Variants in DNAJC5B observed in about 807,000 individuals in gnomAD.
DNAJC5B encodes DnaJ heat shock protein family (Hsp40) member C5 beta.
In DNAJC5B, 23 loss-of-function variants were observed where a neutral mutation model predicts 24.7. The ratio of observed to expected loss-of-function variants is 0.93; its 90% CI spans 0.67 to 1.32. DNAJC5B has a LOEUF of 1.32. Among genes scored for constraint, DNAJC5B ranks in the 40% most tolerant of loss-of-function variants. The pLI, the probability that DNAJC5B is intolerant of heterozygous loss-of-function variation, is 0.00. For missense variants in DNAJC5B, 238 were observed against 240.8 expected (o/e 0.99, Z 0.08); for synonymous variants, 101 against 90.1 (o/e 1.12, Z -0.68).
intron 1 of DNAJC5B, among the ~76,000 whole-genome samples, chr8:66,030,191 A>G (rs1427138705): frequency 6.6e-6 from 1 of 152,056 alleles, no homozygotes; most frequent in Non-Finnish European, 1.5e-5. Flanking sequence ...TATTTGATAG[A>G]CTTCGTAGTC....
chr8:66,067,567 T>C (rs1462559281), intron 3 of DNAJC5B, among the ~76,000 whole-genome samples: 1 of 152,172 alleles, frequency 6.6e-6, no homozygotes, highest in Non-Finnish European at 1.5e-5. Context: ...GAAGTGATGC[T>C]GTGCCTAAAT....
At chr8:66,020,010 G>A (rs1200908456), upstream of DNAJC5B, among the ~76,000 whole-genome samples, 2 of 152,182 alleles carry the variant, frequency 1.3e-5, no homozygotes, top group Non-Finnish European at 2.9e-5. Flanking sequence ...TATGACCTAC[G>A]GGAATACTTT....
chr8:66,097,180 A>G (rs377693096), intron 5 of DNAJC5B, among the ~76,000 whole-genome samples: 3 of 151,698 alleles, frequency 2.0e-5, no homozygotes, highest in East Asian at 3.9e-4. Context: ...TATCACTTTA[A>G]GTTGACATGT....
chr8:66,088,178 A>G (rs1344143587), intron 5 of DNAJC5B, among the ~76,000 whole-genome samples: 1 of 152,184 alleles, frequency 6.6e-6, no homozygotes, highest in Non-Finnish European at 1.5e-5. Flanking sequence ...TACCACGTGG[A>G]AGCCACCAAG....
chr8:66,093,057 A>G (rs902283554), intron 5 of DNAJC5B, among the ~76,000 whole-genome samples: 7 of 152,136 alleles, frequency 4.6e-5, no homozygotes, highest in African/African-American at 1.7e-4. Context: ...TCTGAGATTC[A>G]TTCACATTGT....
chr8:66,032,917 T>C (rs1481557843), intron 1 of DNAJC5B, among the ~76,000 whole-genome samples: 3 of 152,222 alleles, frequency 2.0e-5, no homozygotes, highest in African/African-American at 7.2e-5. Flanking sequence ...TGCAGCACTC[T>C]CTGTTTGCTC....
intron 3 of DNAJC5B, among the ~76,000 whole-genome samples, chr8:66,062,148 A>G (rs1807097565): frequency 6.6e-6 from 1 of 152,274 alleles, no homozygotes; most frequent in Admixed American, 6.5e-5. Flanking sequence ...GCACCATGCT[A>G]GTATTTGCTG....
chr8:66,059,976 C>A (rs868133944), intron 3 of DNAJC5B, among the ~76,000 whole-genome samples: 1 of 152,160 alleles, frequency 6.6e-6, no homozygotes, highest in Admixed American at 6.5e-5. Context: ...CCTTGAGAGC[C>A]GAGGGAACAC....
intron 5 of DNAJC5B, among the ~76,000 whole-genome samples, chr8:66,095,475 AC>A (rs1463166186): frequency 2.6e-5 from 4 of 151,224 alleles, no homozygotes; most frequent in African/African-American, 9.7e-5. Context: ...CAAATAAACA[AC>A]TTTTGGTTTT....
intron 5 of DNAJC5B, among the ~76,000 whole-genome samples, chr8:66,095,671 A>ACACACT (rs1807936558): frequency 6.7e-6 from 1 of 150,198 alleles, no homozygotes; most frequent in East Asian, 2.0e-4. Context: ...ACACACACAC[A>ACACACT]CACACACACA....
intron 3 of DNAJC5B, among the ~76,000 whole-genome samples, chr8:66,053,439 T>A (rs946124569): frequency 6.6e-6 from 1 of 152,066 alleles, no homozygotes; most frequent in Non-Finnish European, 1.5e-5. Flanking sequence ...CAAAAAAAAA[T>A]GTTGAGTACA....
intron 1 of DNAJC5B, among the ~76,000 whole-genome samples, chr8:66,029,106 C>T (rs1031247793): frequency 5.3e-5 from 8 of 152,228 alleles, no homozygotes; most frequent in African/African-American, 1.9e-4. Context: ...ATCCGGCCTC[C>T]TCCAGGATTC....
At chr8:66,017,009 T>G (rs1385670469), upstream of DNAJC5B, among the ~76,000 whole-genome samples, 1 of 152,116 alleles carries the variant, frequency 6.6e-6, no homozygotes, top group African/African-American at 2.4e-5. Flanking sequence ...TTTTTTAGTT[T>G]CTAAAATGTG....
rs1012491477 is a variant in DNAJC5B, at chr8:66,021,706, G to A, written c.-142+1G>A. 4 of 152,250 alleles carry A rather than the reference G, an allele frequency of 2.6e-5. No homozygotes were observed. Among genetic ancestry groups the A allele is most frequent in the African/African-American group, 9.7e-5 (4 of 41,450 alleles). The allele number at this position is 152,250 out of a possible 1,614,324, so 9.4% of individuals were successfully genotyped here. A position where few individuals can be genotyped will look rare whatever the true frequency, so the allele number is the denominator to read the frequency against. ...GATGAAAAAGAGGAGAGATCTCAAG[G>A]TGAGTGTGTCTCCAAGCTTAAGAAG... On this transcript the variant is annotated splice_donor_variant, in intron 1 of 5. Coordinates refer to ENST00000276570, the MANE Select transcript of DNAJC5B (RefSeq NM_033105.6). LOFTEE classifies it low-confidence loss of function (5UTR_SPLICE).
chr8:66,030,586 C>T lies in DNAJC5B; in HGVS notation c.-142+8881C>T, dbSNP rs1317595610. Among the ~76,000 whole-genome samples, 5 of 152,088 alleles carry T rather than the reference C, an allele frequency of 3.3e-5. No individual in the cohort carries two copies. The East Asian group carries it at 7.7e-4, about 23-fold the overall frequency. On this transcript the variant is annotated intron_variant, in intron 1 of 5. Transcript: ENST00000276570. ...CCACCTGCTAGAGTGGGGAGATCTC[C>T]TTCTCTTCCTCCTCCACCTGCAGTA...
intron 5 of DNAJC5B, among the ~76,000 whole-genome samples, chr8:66,087,390 G>A (rs370043525): frequency 2.0e-5 from 3 of 152,200 alleles, no homozygotes; most frequent in South Asian, 2.1e-4. Context: ...TGATAGGGAC[G>A]CAGAGCCAAA....
chr8:66,042,756 C>T (rs1806642643), intron 1 of DNAJC5B, among the ~76,000 whole-genome samples: 1 of 135,844 alleles, frequency 7.4e-6, no homozygotes, highest in South Asian at 2.6e-4. Context: ...TCTTCCTCTT[C>T]TGTGATGATG....
intron 3 of DNAJC5B, chr8:66,056,790 G>C (rs1292977239): frequency 2.0e-5 from 3 of 152,194 alleles, no homozygotes; most frequent in Non-Finnish European, 2.9e-5. Context: ...AAGACAATCA[G>C]CTAACTCCTG....
At chr8:66,045,965 C>A (rs1401922150) in intron 2 of DNAJC5B, among the ~76,000 whole-genome samples, 8 of 152,180 alleles carry the variant, frequency 5.3e-5, no homozygotes. Flanking sequence ...ATGCCCCCAT[C>A]CTGTCACCAC....
Sources: gnomAD v4.1 joint callset for allele counts (sites outside exome capture counted in the v4.1 genomes callset) on GRCh38, gnomAD v4.1.1 for gene constraint, MANE v1.5 for transcripts, NCBI Gene and HGNC (gene_info 2026-07-23, HGNC 2026-07-21) for gene names.